Variants in DAAM2 observed in about 807,000 individuals in gnomAD.
The protein encoded by DAAM2 is dishevelled associated activator of morphogenesis 2.
A neutral mutation model predicts 120.7 loss-of-function variants in DAAM2; 39 were observed. That is an observed-to-expected ratio of 0.32 (90% CI 0.25 to 0.42). The LOEUF (loss-of-function observed/expected upper bound fraction) is 0.42, where lower values mean the gene tolerates loss of function less well. Ranked by LOEUF, DAAM2 falls within the 10% of genes least tolerant of loss-of-function variation. The pLI, the probability that DAAM2 is intolerant of heterozygous loss-of-function variation, is 1.00. For missense variants in DAAM2, 1,283 were observed against 1,401.7 expected, an observed-to-expected ratio of 0.92 and a Z score of 1.35; for synonymous variants, 488 against 524.9, an observed-to-expected ratio of 0.93 and a Z score of 0.96.
chr6:39,808,742 C>G (rs1188827150), intron 1 of DAAM2, among the ~76,000 whole-genome samples: 4 of 152,206 alleles, frequency 2.6e-5, no homozygotes, highest in African/African-American at 9.7e-5. Context: ...TGGCCTTTGT[C>G]CTTGACCCAG....
chr6:39,839,691 A>T (rs1445568297), intron 1 of DAAM2, among the ~76,000 whole-genome samples: 1 of 152,350 alleles, frequency 6.6e-6, no homozygotes, highest in East Asian at 1.9e-4. Flanking sequence ...GCAGGCTCAC[A>T]GAGCAAGTGT....
intron 1 of DAAM2, among the ~76,000 whole-genome samples, chr6:39,812,646 G>GTAGAGTCACCAGGTAGCTTT (rs1554166904): frequency 4.8e-4 from 73 of 151,552 alleles, no homozygotes; most frequent in Middle Eastern, 3.4e-3. Flanking sequence ...ACCTCTGACT[G>GTAGAGTCACCAGGTAGCTTT]TGGAGTCAGC....
In DAAM2 at chr6:39,900,138, G is replaced by A. The variant is rs375047648; in HGVS notation, c.2741G>A (p.Ser914Asn). 5.6e-6 allele frequency: 9 copies of A among 1,603,296 alleles called. No homozygotes were observed. The highest frequency in any genetic ancestry group is 6.8e-6 in the Non-Finnish European group (8 of 1,175,124). Residue 914 changes from serine (S) to asparagine (N), a missense_variant, in exon 23 of 25, where the codon AGC becomes AAC. Coordinates refer to ENST00000274867, the MANE Select transcript of DAAM2 (RefSeq NM_001201427.2). ...AGTGACAAGTTTGTCCCTGTCATGA[G>A]CGACTTCATCACGGTGTCCAGCTTC... ...EPSDKFVPVMSDFITVSSFSF... is the reference protein window; with the variant it reads ...EPSDKFVPVMNDFITVSSFSF...
intron 1 of DAAM2, among the ~76,000 whole-genome samples, chr6:39,824,022 C>A (rs975369757): frequency 2.0e-5 from 3 of 152,160 alleles, no homozygotes; most frequent in African/African-American, 7.2e-5. Context: ...TTTCTCCAGA[C>A]TCCACTCTAC....
intron 1 of DAAM2, among the ~76,000 whole-genome samples, chr6:39,846,224 G>A (rs1202583664): frequency 6.6e-6 from 1 of 152,144 alleles, no homozygotes; most frequent in African/African-American, 2.4e-5. Flanking sequence ...AGCCCCAAGA[G>A]CAGTGCCGGG....
At chr6:39,820,843 T>A (rs547608884) in intron 1 of DAAM2, 13 of 152,356 alleles carry the variant, frequency 8.5e-5, no homozygotes, top group Non-Finnish European at 1.3e-4. Flanking sequence ...TGGGACTAAA[T>A]CATTTTCTTC....
At chr6:39,899,862 T>C (rs1017503169) in intron 22 of DAAM2, 3 of 463,242 alleles carry the variant, frequency 6.5e-6, no homozygotes, top group Non-Finnish European at 1.2e-5. Context: ...GGTCACATGT[T>C]GGGTCTCAGT....
At chr6:39,875,158 A>C (rs1162150434) in intron 10 of DAAM2, among the ~76,000 whole-genome samples, 172 bp from the exon 11 acceptor site, 1 of 152,172 alleles carries the variant, frequency 6.6e-6, no homozygotes, top group Admixed American at 6.5e-5. Flanking sequence ...GAGATGACTG[A>C]ATCAGTGAGT....
At chr6:39,809,264 G>T (rs1762096182) in intron 1 of DAAM2, among the ~76,000 whole-genome samples, 1 of 152,162 alleles carries the variant, frequency 6.6e-6, no homozygotes, top group Admixed American at 6.5e-5. Context: ...GAAACGTAAT[G>T]GGGGAGTGGG....
chr6:39,886,653 G>A (rs755525488), intron 15 of DAAM2: 1 of 391,702 alleles, frequency 2.6e-6, no homozygotes, highest in Non-Finnish European at 4.5e-6. Context: ...GGCAGCAGTG[G>A]AGGTCAATGT....
chr6:39,896,642 G>A (rs868194462), intron 19 of DAAM2, among the ~76,000 whole-genome samples, 170 bp from the exon 20 acceptor site: 1 of 152,224 alleles, frequency 6.6e-6, no homozygotes, highest in African/African-American at 2.4e-5. Flanking sequence ...GTGGGTGAAT[G>A]TGAAATCGAT....
chr6:39,898,465 T>A (rs1766259104), intron 21 of DAAM2, among the ~76,000 whole-genome samples: 1 of 152,198 alleles, frequency 6.6e-6, no homozygotes, highest in Non-Finnish European at 1.5e-5. Context: ...CTGATAGATG[T>A]CATCTCCAGG....
At chr6:39,856,051 G>A in intron 1 of DAAM2, 196 bp from the exon 2 acceptor site, 6 of 983,708 alleles carry the variant, frequency 6.1e-6, no homozygotes, top group Non-Finnish European at 6.0e-6. Flanking sequence ...ATATGTAAAT[G>A]CCTCCAGGTG....
chr6:39,824,308 C>A lies in DAAM2; in HGVS notation c.-57+31843C>A, dbSNP rs79215927. ...CTAGAGCCCGTGCCCCAGCAGGGGGCATCTTGGGGTCTAGCTGTACCATTT... is the reference window on the plus strand; with the variant it reads ...CTAGAGCCCGTGCCCCAGCAGGGGGAATCTTGGGGTCTAGCTGTACCATTT... On this transcript the variant is annotated intron_variant, in intron 1 of 24. Coordinates refer to ENST00000274867, the MANE Select transcript of DAAM2 (RefSeq NM_001201427.2). 5.0e-3 allele frequency among the ~76,000 whole-genome samples: 754 copies of A among 152,266 alleles called. 6 individuals are homozygous for A. Among genetic ancestry groups the A allele is most frequent in the African/African-American group, 0.017 (719 of 41,560 alleles).
chr6:39,851,685 T>G (rs1763811280), intron 1 of DAAM2, among the ~76,000 whole-genome samples: 1 of 152,162 alleles, frequency 6.6e-6, no homozygotes, highest in African/African-American at 2.4e-5. Flanking sequence ...CCTTCCTGGC[T>G]CGGAGAGCAA....
At chr6:39,825,973 G>A (rs1329801569) in intron 1 of DAAM2, among the ~76,000 whole-genome samples, 1 of 152,202 alleles carries the variant, frequency 6.6e-6, no homozygotes, top group East Asian at 1.9e-4. Flanking sequence ...TGGGAATGAG[G>A]TTCACATTTT....
In DAAM2 at chr6:39,807,371, C is replaced by A. The variant is rs115101813; in HGVS notation, c.-57+14906C>A. Among the ~76,000 whole-genome samples, 1,019 of 152,234 alleles carry A rather than the reference C, an allele frequency of 6.7e-3. 11 individuals are homozygous for A. The highest frequency in any genetic ancestry group is 0.021 in the African/African-American group (854 of 41,540). On this transcript the variant is annotated intron_variant, in intron 1 of 24. Coordinates refer to ENST00000274867, the MANE Select transcript of DAAM2 (RefSeq NM_001201427.2). ...CAAACATTTATATGTATAATTAAAG[C>A]ATAAAATTATGTTTGTGAACAACCA...
At chr6:39,898,393 G>C (rs929413163) in intron 21 of DAAM2, among the ~76,000 whole-genome samples, 2 of 152,170 alleles carry the variant, frequency 1.3e-5, no homozygotes, top group African/African-American at 4.8e-5. Flanking sequence ...GATGGTCCAA[G>C]GAAATGTGGG....
chr6:39,823,543 C>T (rs574673517), intron 1 of DAAM2, among the ~76,000 whole-genome samples: 5 of 152,266 alleles, frequency 3.3e-5, no homozygotes, highest in Admixed American at 1.3e-4. Flanking sequence ...GCAGATGGGA[C>T]GACTTGTGCC....
Sources: allele counts gnomAD v4.1 joint callset (sites outside exome capture counted in the v4.1 genomes callset), GRCh38; gene constraint gnomAD v4.1.1; transcripts MANE v1.5; gene names NCBI Gene and HGNC (gene_info 2026-07-23, HGNC 2026-07-21).